The following DLC1 variants were observed in gnomAD, a reference collection of about 807,000 sequenced individuals.
DLC1 encodes rho GTPase-activating protein 7.
DLC1 carries 54 observed loss-of-function variants against 140.3 expected under a neutral mutation model. That is an observed-to-expected ratio of 0.38 (90% CI 0.31 to 0.48). DLC1 has a LOEUF of 0.48. DLC1 is among the 20% of genes least tolerant of loss of function. The pLI, the probability that DLC1 is intolerant of heterozygous loss-of-function variation, is 0.96. For missense variants in DLC1, 2,536 were observed against 1,907.0 expected (o/e 1.33, Z -6.14); for synonymous variants, 986 against 728.1 (o/e 1.35, Z -5.70).
chr8:13,227,799 C>T (rs578221552), intron 5 of DLC1, among the ~76,000 whole-genome samples: 1 of 152,184 alleles, frequency 6.6e-6, no homozygotes, highest in East Asian at 1.9e-4. Context: ...TACTTTTCAT[C>T]TCACATTTGG....
intron 1 of DLC1, among the ~76,000 whole-genome samples, chr8:13,549,822 T>C (rs541209089): frequency 6.6e-6 from 1 of 152,254 alleles, no homozygotes; most frequent in East Asian, 1.9e-4. Flanking sequence ...ATGAAAATTC[T>C]AGAGCTTAAA....
At chr8:13,101,083 A>T (rs1819047329) in intron 8 of DLC1, among the ~76,000 whole-genome samples, 2 of 151,732 alleles carry the variant, frequency 1.3e-5, no homozygotes, top group East Asian at 1.9e-4. Context: ...TCTTTTTTAA[A>T]TTTTTTGTAG....
chr8:13,277,120 A>G (rs112931500), intron 5 of DLC1, among the ~76,000 whole-genome samples: 1 of 152,148 alleles, frequency 6.6e-6, no homozygotes, highest in African/African-American at 2.4e-5. Flanking sequence ...CAGGAGCTTG[A>G]GAACAGCTTG....
chr8:13,545,606 G>A lies in DLC1; in HGVS notation c.-125-45410C>T, dbSNP rs113480666. On this transcript the variant is annotated intron_variant, in intron 1 of 1. Transcript: ENST00000631382. The stretch of plus-strand genomic sequence containing the variant: ...GAACTCTATTTGTGTAATATACTTT[G>A]TCAGTTCTAGTTTAATACCATATAA... 3.0e-3 allele frequency among the ~76,000 whole-genome samples: 457 copies of A among 152,044 alleles called. 1 individual carries two copies. Among genetic ancestry groups the A allele is most frequent in the African/African-American group, 0.011 (439 of 41,490 alleles).
chr8:13,451,074 A>G (rs1478324375), intron 2 of DLC1, among the ~76,000 whole-genome samples: 93 of 150,148 alleles, frequency 6.2e-4, no homozygotes, highest in South Asian at 1.3e-3. Context: ...AAAAAGAAAA[A>G]AAGAAAAAGG....
At position 13,337,756 on chromosome 8, in the gene DLC1, T is replaced by C. The variant is rs550367243; in HGVS notation, c.1315-32454A>G. 4.6e-5 allele frequency among the ~76,000 whole-genome samples: 7 copies of C among 152,310 alleles called. 1 individual carries two copies. The highest frequency in any genetic ancestry group is 1.7e-4 in the African/African-American group (7 of 41,566). On this transcript the variant is annotated intron_variant, in intron 4 of 17. Coordinates refer to ENST00000276297, the MANE Select transcript of DLC1 (RefSeq NM_182643.3). Reference sequence around the variant, plus strand: ...TACAATAAAGCTGGAAAATGTACCATTACTGTTGTTTAACAGGGATAGATT... The same window carrying C: ...TACAATAAAGCTGGAAAATGTACCACTACTGTTGTTTAACAGGGATAGATT...
rs200876805 is a variant in DLC1 at position 13,088,195 on chromosome 8, T to TC, written c.4292+291dup. Among the ~76,000 whole-genome samples, 714 of 152,324 alleles carry TC rather than the reference T, an allele frequency of 4.7e-3. 14 individuals are homozygous for TC. Among genetic ancestry groups the TC allele is most frequent in the East Asian group, 0.046 (236 of 5,174 alleles). On this transcript the variant is annotated intron_variant, in intron 16 of 17. Transcript: ENST00000276297. ...TCCTGGCTCAAGGGATCCTCCTGCCTCGGCCTCCCGAGTAGCTAGGACTAC... is the reference window on the plus strand; with the variant it reads ...TCCTGGCTCAAGGGATCCTCCTGCCTCCGGCCTCCCGAGTAGCTAGGACTAC...
intron 2 of DLC1, among the ~76,000 whole-genome samples, chr8:13,469,445 G>GAT (rs1800106028): frequency 2.0e-5 from 3 of 152,094 alleles, no homozygotes; most frequent in African/African-American, 7.2e-5. Flanking sequence ...CCTGCAAAAG[G>GAT]TTGCTTATTT....
intron 2 of DLC1, among the ~76,000 whole-genome samples, chr8:13,474,059 G>A (rs577538679): frequency 6.6e-6 from 1 of 152,320 alleles, no homozygotes; most frequent in East Asian, 1.9e-4. Context: ...TGTCTCCAGG[G>A]CATGTCACAG....
At chr8:13,457,635 C>T (rs999139577) in intron 2 of DLC1, among the ~76,000 whole-genome samples, 10 of 143,052 alleles carry the variant, frequency 7.0e-5, no homozygotes, top group Non-Finnish European at 1.2e-4. Context: ...CGAGATCGCG[C>T]CACTGCACTC....
intron 5 of DLC1, among the ~76,000 whole-genome samples, chr8:13,216,881 C>T (rs940389122): frequency 1.3e-5 from 2 of 152,130 alleles, no homozygotes; most frequent in South Asian, 4.1e-4. Context: ...TGGTTTTGAA[C>T]CACTGGCTTA....
intron 2 of DLC1, among the ~76,000 whole-genome samples, chr8:13,489,412 T>TACACACACAC (rs10558551): frequency 0.19 from 24,845 of 131,976 alleles, 2,717 homozygotes; most frequent in Middle Eastern, 0.25. Flanking sequence ...ACACACACCA[T>TACACACACAC]ACACACACAC....
intron 4 of DLC1, among the ~76,000 whole-genome samples, chr8:13,364,063 G>A (rs73205708): frequency 0.2 from 30,125 of 152,042 alleles, 3,224 homozygotes; most frequent in Non-Finnish European, 0.24. Flanking sequence ...ACGTGCACAC[G>A]CATGCATGTG....
Position 13,305,337 on chromosome 8 carries a change from A to G in DLC1, c.1315-35T>C, listed in dbSNP as rs189004410. 5.8e-6 allele frequency: 9 copies of G among 1,557,206 alleles called. No homozygotes were observed. The East Asian group carries it at 2.0e-4, about 35-fold the overall frequency. On this transcript the variant is annotated intron_variant, in intron 4 of 17. Transcript: ENST00000276297. ...AAGACACAAAAATTGTGGTATTATT[A>G]GGAAGAAACATCAGAAAGCATCATT...
intron 5 of DLC1, among the ~76,000 whole-genome samples, chr8:13,142,029 G>C (rs1823033570): frequency 1.3e-5 from 2 of 152,162 alleles, no homozygotes; most frequent in African/African-American, 4.8e-5. Flanking sequence ...TCTCGTGATA[G>C]TGAGTGAATT....
intron 1 of DLC1, among the ~76,000 whole-genome samples, chr8:13,553,391 T>G (rs540417326): frequency 1.3e-5 from 2 of 151,626 alleles, no homozygotes; most frequent in African/African-American, 4.8e-5. Context: ...TGTTTCATCT[T>G]CATTTCACTG....
intron 5 of DLC1, among the ~76,000 whole-genome samples, chr8:13,146,341 G>A (rs866625242): frequency 4.0e-5 from 6 of 151,142 alleles, no homozygotes; most frequent in Non-Finnish European, 5.9e-5. Flanking sequence ...TTTTGCTTAT[G>A]TTTTAAAAGG....
intron 1 of DLC1, among the ~76,000 whole-genome samples, chr8:13,544,956 A>G (rs7822459): frequency 6.6e-6 from 1 of 152,098 alleles, no homozygotes; most frequent in African/African-American, 2.4e-5. Context: ...CACTATTTAC[A>G]TAGACTCCAA....
At chr8:13,290,193 C>T (rs10503446) in intron 5 of DLC1, among the ~76,000 whole-genome samples, 9,703 of 152,028 alleles carry the variant, frequency 0.064, 356 homozygotes, top group South Asian at 0.12. Flanking sequence ...GTTGTTTTGC[C>T]GTACACACTT....
Sources: gnomAD v4.1 joint callset for allele counts (sites outside exome capture counted in the v4.1 genomes callset) on GRCh38, gnomAD v4.1.1 for gene constraint, MANE v1.5 for transcripts, NCBI Gene and HGNC (gene_info 2026-07-23, HGNC 2026-07-21) for gene names.